Variants in SLC24A2 observed in about 807,000 individuals in gnomAD.
SLC24A2 encodes the protein solute carrier family 24 member 2.
In SLC24A2, 36 loss-of-function variants were observed where a neutral mutation model predicts 62.0. The ratio of observed to expected loss-of-function variants is 0.58; its 90% confidence interval spans 0.44 to 0.77. SLC24A2 has a LOEUF of 0.77. Among genes scored for constraint, SLC24A2 ranks in the 30% least tolerant of loss-of-function variants. SLC24A2 has a pLI of 0.00. For synonymous variants in SLC24A2, 358 were observed against 294.0 expected, an observed-to-expected ratio of 1.22 and a Z score of -2.23; for missense variants, 846 against 817.9, an observed-to-expected ratio of 1.03 and a Z score of -0.42.
At chr9:19,543,079 G>T (rs896085210) in intron 8 of SLC24A2, among the ~76,000 whole-genome samples, 2 of 152,114 alleles carry the variant, frequency 1.3e-5, no homozygotes, top group Non-Finnish European at 2.9e-5. Flanking sequence ...ACTTTGGTAG[G>T]CTATTAATTA....
upstream of SLC24A2, among the ~76,000 whole-genome samples, chr9:19,789,267 G>A (rs1212218200): frequency 6.6e-6 from 1 of 152,268 alleles, no homozygotes; most frequent in Non-Finnish European, 1.5e-5. Flanking sequence ...GCAGAGAGGA[G>A]AAATCGTACA....
At position 19,550,253 on chromosome 9, in the gene SLC24A2, C is replaced by T; in HGVS notation, c.1363G>A (p.Glu455Lys). 1.2e-6 allele frequency: 2 copies of T among 1,614,122 alleles called. No individual in the cohort carries two copies. Among genetic ancestry groups the T allele is most frequent in the Non-Finnish European group, 1.7e-6 (2 of 1,180,006 alleles). ...GAEAQTADEE[E>K]DQPLSLAWPS... is the part of the protein sequence containing the mutation. Reference sequence around the variant, plus strand: ...CAGGCAAGGCTGAGAGGCTGGTCCTCCTCCTCATCAGCGGTCTGTGGTAGA... The same window carrying T: ...CAGGCAAGGCTGAGAGGCTGGTCCTTCTCCTCATCAGCGGTCTGTGGTAGA... The change falls in exon 8 of 11, where the codon GAG becomes AAG. Residue 455 changes from glutamate (E) to lysine (K), a missense_variant. By Grantham distance (56) the Glu-to-Lys change is moderately conservative. Coordinates refer to ENST00000341998, the MANE Select transcript of SLC24A2 (RefSeq NM_020344.4).
chr9:19,533,411 G>A (rs10738540), intron 8 of SLC24A2, among the ~76,000 whole-genome samples: 122,472 of 152,220 alleles, frequency 0.8, 49,661 homozygotes, highest in East Asian at 1. Context: ...TCATCAAGAG[G>A]TGAGGTCTAT....
At chr9:19,766,097 T>C (rs4585825) in intron 2 of SLC24A2, among the ~76,000 whole-genome samples, 1 of 152,220 alleles carries the variant, frequency 6.6e-6, no homozygotes, top group African/African-American at 2.4e-5. Context: ...CGGCTATTGA[T>C]ACTTGAGTAT....
the SLC24A2 span, among the ~76,000 whole-genome samples, chr9:20,136,021 G>T: frequency 6.6e-6 from 1 of 152,056 alleles, no homozygotes; most frequent in African/African-American, 2.4e-5. Context: ...CTGGGCATTG[G>T]GAGTGAAATG....
chr9:19,978,143 C>T, the SLC24A2 span, among the ~76,000 whole-genome samples: 6 of 152,260 alleles, frequency 3.9e-5, no homozygotes, highest in South Asian at 2.1e-4. Context: ...AAAAGTCCAA[C>T]GTGCCTCAAA....
intron 2 of SLC24A2, among the ~76,000 whole-genome samples, chr9:19,714,647 A>G (rs1250727780): frequency 2.0e-5 from 3 of 152,072 alleles, no homozygotes; most frequent in Non-Finnish European, 2.9e-5. Flanking sequence ...TTTTGCGTAT[A>G]TCTATTTAAG....
At chr9:20,020,951 G>T in the SLC24A2 span, among the ~76,000 whole-genome samples, 61 of 152,144 alleles carry the variant, frequency 4.0e-4, no homozygotes, top group African/African-American at 1.3e-3. Flanking sequence ...TGGTCTTTAT[G>T]TTTCATTTGT....
chr9:19,723,459 C>T (rs1821085203), intron 2 of SLC24A2, among the ~76,000 whole-genome samples: 1 of 152,094 alleles, frequency 6.6e-6, no homozygotes, highest in Admixed American at 6.6e-5. Flanking sequence ...CTATCATATT[C>T]CATTTAATTT....
chr9:19,717,927 C>G (rs1025877482), intron 2 of SLC24A2, among the ~76,000 whole-genome samples: 1 of 150,962 alleles, frequency 6.6e-6, no homozygotes, highest in Non-Finnish European at 1.5e-5. Context: ...AAGATCTAAT[C>G]AGATTGGGAT....
At chr9:19,847,448 A>G in the SLC24A2 span, among the ~76,000 whole-genome samples, 185 of 152,284 alleles carry the variant, frequency 1.2e-3, 1 homozygote, top group African/African-American at 4.2e-3. Context: ...GCATTACCCT[A>G]TCTTCTCATT....
At chr9:20,207,993 C>G in the SLC24A2 span, among the ~76,000 whole-genome samples, 1 of 152,196 alleles carries the variant, frequency 6.6e-6, no homozygotes, top group Non-Finnish European at 1.5e-5. Context: ...AAGACACAAA[C>G]AGAACCTCTG....
the SLC24A2 span, among the ~76,000 whole-genome samples, chr9:20,028,357 T>A: frequency 6.6e-6 from 1 of 152,244 alleles, no homozygotes; most frequent in African/African-American, 2.4e-5. Flanking sequence ...CTCTGCTGCA[T>A]AAGAGGGGTT....
the SLC24A2 span, among the ~76,000 whole-genome samples, chr9:20,090,717 A>G: frequency 6.6e-6 from 1 of 152,190 alleles, no homozygotes; most frequent in Non-Finnish European, 1.5e-5. Context: ...TACTTAATCT[A>G]TATTGCAGTT....
At chr9:19,547,078 T>A (rs553714311) in intron 8 of SLC24A2, among the ~76,000 whole-genome samples, 1 of 152,312 alleles carries the variant, frequency 6.6e-6, no homozygotes, top group East Asian at 1.9e-4. Context: ...TTGGCCATCT[T>A]GCCAGCAACC....
chr9:19,988,361 T>A, the SLC24A2 span, among the ~76,000 whole-genome samples: 22 of 152,154 alleles, frequency 1.4e-4, no homozygotes, highest in African/African-American at 4.8e-4. Context: ...AGACCCACAA[T>A]GACCTCTTTC....
chr9:19,931,971 A>G, the SLC24A2 span, among the ~76,000 whole-genome samples: 2 of 152,066 alleles, frequency 1.3e-5, no homozygotes, highest in Non-Finnish European at 2.9e-5. Flanking sequence ...CCTCCCATGT[A>G]GAAAGAGAAT....
At chr9:20,081,001 G>C in the SLC24A2 span, among the ~76,000 whole-genome samples, 2 of 152,156 alleles carry the variant, frequency 1.3e-5, no homozygotes, top group Non-Finnish European at 2.9e-5. Flanking sequence ...AGGATATGGA[G>C]AAATAGGAAC....
At chr9:20,050,795 A>G in the SLC24A2 span, among the ~76,000 whole-genome samples, 570 of 152,326 alleles carry the variant, frequency 3.7e-3, 8 homozygotes, top group African/African-American at 0.013. Context: ...TGATGCAACT[A>G]ATATAAAGCT....
Sources: allele counts gnomAD v4.1 joint callset (sites outside exome capture counted in the v4.1 genomes callset), GRCh38; gene constraint gnomAD v4.1.1; transcripts MANE v1.5; gene names NCBI Gene and HGNC (gene_info 2026-07-23, HGNC 2026-07-21).